CCDC122: variants seen among roughly 807,000 people sequenced by gnomAD.
The protein encoded by CCDC122 is coiled-coil domain containing 122.
In CCDC122, 38 loss-of-function variants were observed where a neutral mutation model predicts 37.0. The observed-to-expected ratio is 1.03, with a 90% confidence interval of 0.79 to 1.35. The LOEUF is 1.35. Among genes scored for constraint, CCDC122 ranks in the 40% most tolerant of loss-of-function variants. CCDC122 has a pLI of 0.00. For missense variants in CCDC122, 305 were observed against 310.0 expected (o/e 0.98, Z 0.12); for synonymous variants, 83 against 95.6 (o/e 0.87, Z 0.77).
At chr13:43,847,133 T>G (rs1004766353) in intron 6 of CCDC122, among the ~76,000 whole-genome samples, 16 of 152,284 alleles carry the variant, frequency 1.1e-4, no homozygotes, top group African/African-American at 3.4e-4. Context: ...TTGTGAGATA[T>G]TTTGCAGCAG....
chr13:43,830,019 G>A (rs1953074183), intron 3 of CCDC122, among the ~76,000 whole-genome samples: 1 of 151,882 alleles, frequency 6.6e-6, no homozygotes, highest in Non-Finnish European at 1.5e-5. Flanking sequence ...GGGATTACAG[G>A]GACGCATCAC....
intron 3 of CCDC122, among the ~76,000 whole-genome samples, chr13:43,827,500 T>C (rs1478392823): frequency 6.6e-6 from 1 of 152,236 alleles, no homozygotes; most frequent in Admixed American, 6.5e-5. Flanking sequence ...CCTCTGTCTC[T>C]ATAAATTTGA....
downstream of CCDC122, among the ~76,000 whole-genome samples, chr13:43,833,942 C>T (rs1953114835): frequency 6.6e-6 from 1 of 152,122 alleles, no homozygotes. Flanking sequence ...TTCAATTATA[C>T]AGAACTAAAA....
chr13:43,860,102 T>C (rs1954057361), intron 4 of CCDC122, 32 bp from the exon 5 acceptor site: 3 of 1,169,708 alleles, frequency 2.6e-6, no homozygotes, highest in Non-Finnish European at 3.4e-6. Context: ...TCATTATTAA[T>C]TCAAAATATT....
Position 43,842,899 on chromosome 13 carries a change from T to C in CCDC122, c.673-5470A>G, listed in dbSNP as rs867122789. On this transcript the variant is annotated intron_variant, in intron 6 of 6. Coordinates refer to ENST00000444614, the MANE Select transcript of CCDC122 (RefSeq NM_144974.5). ...TATCCTATGAGCTTTCTAAATTCAC[T>C]TACTGGTTCTGTTAGTCTTTTCTAT... is the stretch of plus-strand genomic sequence containing the variant. Among the ~76,000 whole-genome samples, 108 of 152,204 alleles carry C rather than the reference T, an allele frequency of 7.1e-4. 1 individual carries two copies. The highest frequency in any genetic ancestry group is 2.4e-3 in the African/African-American group (99 of 41,574).
chr13:43,838,448 G>A (rs1018599566), intron 6 of CCDC122, among the ~76,000 whole-genome samples: 3 of 152,096 alleles, frequency 2.0e-5, no homozygotes, highest in African/African-American at 7.2e-5. Context: ...TGCTTCATTG[G>A]TCTTCGTGTC....
downstream of CCDC122, among the ~76,000 whole-genome samples, chr13:43,819,181 T>A (rs1222849130): frequency 6.6e-6 from 1 of 152,198 alleles, no homozygotes; most frequent in Non-Finnish European, 1.5e-5. Context: ...AGCTTTACAA[T>A]GTACAGCGAT....
chr13:43,843,158 A>G (rs1266448530), intron 6 of CCDC122, among the ~76,000 whole-genome samples: 1 of 151,968 alleles, frequency 6.6e-6, no homozygotes, highest in Non-Finnish European at 1.5e-5. Context: ...TGGCTATAAG[A>G]TTGTTTTTTT....
At chr13:43,862,064 A>T (rs1191768044) in intron 4 of CCDC122, among the ~76,000 whole-genome samples, 1 of 152,098 alleles carries the variant, frequency 6.6e-6, no homozygotes. Flanking sequence ...CACTCCCCCA[A>T]CTAGTCTGTG....
chr13:43,837,799 C>T (rs1263098093), intron 6 of CCDC122, among the ~76,000 whole-genome samples: 2 of 152,114 alleles, frequency 1.3e-5, no homozygotes, highest in African/African-American at 4.8e-5. Context: ...TAATGGAATA[C>T]CTTCTTGTTA....
At chr13:43,868,903 C>A in intron 3 of CCDC122, 100 bp from the exon 4 acceptor site, 1 of 596,902 alleles carries the variant, frequency 1.7e-6, no homozygotes, top group Non-Finnish European at 2.6e-6. Flanking sequence ...ATATTTGATA[C>A]TTTTTCCTTC....
At chr13:43,819,133 T>C (rs1201603444), downstream of CCDC122, among the ~76,000 whole-genome samples, 1 of 152,226 alleles carries the variant, frequency 6.6e-6, no homozygotes, top group Non-Finnish European at 1.5e-5. Context: ...TATATTTGTA[T>C]AATAGTTCTC....
chr13:43,851,623 T>A (rs1243009560), intron 6 of CCDC122, among the ~76,000 whole-genome samples: 1 of 152,174 alleles, frequency 6.6e-6, no homozygotes, highest in Non-Finnish European at 1.5e-5. Flanking sequence ...TGCACCCCAC[T>A]GCACTGCCAC....
chr13:43,860,791 A>G (rs933490066), intron 4 of CCDC122, among the ~76,000 whole-genome samples: 15 of 152,172 alleles, frequency 9.9e-5, no homozygotes, highest in Middle Eastern at 3.2e-3. Context: ...CTTCAGCTAC[A>G]TATCTGCCGA....
At chr13:43,876,776 A>T (rs1954623699) in intron 1 of CCDC122, among the ~76,000 whole-genome samples, 1 of 152,222 alleles carries the variant, frequency 6.6e-6, no homozygotes, top group Non-Finnish European at 1.5e-5. Flanking sequence ...ATCTATGTTT[A>T]ATATTTTGGA....
chr13:43,835,550 TTTTAGA>T (rs1953141546), downstream of CCDC122, among the ~76,000 whole-genome samples: 2 of 152,168 alleles, frequency 1.3e-5, no homozygotes, highest in Non-Finnish European at 1.5e-5. Context: ...ATTAAGGATA[TTTTAGA>T]AAACTACATT....
intron 1 of CCDC122, among the ~76,000 whole-genome samples, chr13:43,877,163 T>G (rs1332556360): frequency 6.6e-6 from 1 of 152,142 alleles, no homozygotes; most frequent in Non-Finnish European, 1.5e-5. Context: ...ACAGGTGCCT[T>G]TAAGTTATTT....
At chr13:43,851,700 G>T (rs1372161203) in intron 6 of CCDC122, among the ~76,000 whole-genome samples, 1 of 152,136 alleles carries the variant, frequency 6.6e-6, no homozygotes, top group Admixed American at 6.6e-5. Context: ...GAACACTTTG[G>T]CTGACACAAC....
downstream of CCDC122, among the ~76,000 whole-genome samples, chr13:43,821,091 T>C (rs1012267648): frequency 6.6e-6 from 1 of 152,254 alleles, no homozygotes; most frequent in African/African-American, 2.4e-5. Context: ...ATTTTTTTCT[T>C]TATCCTTGAC....
Sources: allele counts gnomAD v4.1 joint callset (sites outside exome capture counted in the v4.1 genomes callset), GRCh38; gene constraint gnomAD v4.1.1; transcripts MANE v1.5; gene names NCBI Gene and HGNC (gene_info 2026-07-23, HGNC 2026-07-21).